DGKK: variants seen among roughly 807,000 people sequenced by gnomAD.
DGKK encodes diacylglycerol kinase kappa, also known as 142 kDa diacylglycerol kinase.
Under a neutral mutation model 92.2 loss-of-function variants are expected in DGKK, and 35 were observed. That is an observed-to-expected ratio of 0.38 (90% CI 0.29 to 0.50). The LOEUF (loss-of-function observed/expected upper bound fraction) is 0.50. Among genes scored for constraint, DGKK ranks in the 20% least tolerant of loss-of-function variants. DGKK has a pLI of 0.92. For synonymous variants in DGKK, 368 were observed against 360.6 expected (o/e 1.02, Z -0.23); for missense variants, 910 against 992.2 (o/e 0.92, Z 1.11).
At chrX:50,379,856 T>A in intron 19 of DGKK, 122 bp from the exon 20 acceptor site, 1 of 890,619 alleles carries the variant, frequency 1.1e-6, no homozygotes, top group Non-Finnish European at 1.6e-6. Context: ...TCTTCATGCC[T>A]TCCTCCCATG....
intron 4 of DGKK, among the ~76,000 whole-genome samples, chrX:50,408,462 T>C (rs1557227503): frequency 9.0e-6 from 1 of 111,536 alleles, no homozygotes; most frequent in Non-Finnish European, 1.9e-5. Context: ...CACTGCAAGC[T>C]CCGCCTCCCG....
Position 50,420,390 on chromosome X carries a change from C to A in DGKK, c.942+13G>T. The A allele has an allele frequency of 1.7e-6, 2 of 1,191,377 alleles. No individual in the cohort carries two copies. Among genetic ancestry groups the A allele is most frequent in the Non-Finnish European group, 2.3e-6 (2 of 878,674 alleles). On this transcript the variant is annotated intron_variant, in intron 4 of 27. Transcript: ENST00000611977. ...TATTAAGAATTGTGTGGCTTCTCTA[C>A]TAGTTTTCTTACCTTATAAATTTCT...
chrX:50,368,842 A>C lies in DGKK; in HGVS notation c.*98T>G. ...TGGAGGGTCTTTCTTGGTGGTGCTC[A>C]TGTTTGTTCTGAAATGATTTAGTCT... is the stretch of plus-strand genomic sequence containing the variant. On this transcript the variant is annotated 3_prime_UTR_variant, in exon 28 of 28. Transcript: ENST00000611977. The C allele has an allele frequency of 1.5e-6, 1 of 688,327 alleles. No individual in the cohort carries two copies. The highest frequency in any genetic ancestry group is 3.4e-5 in the Admixed American group (1 of 29,577). The allele number at this position is 688,327 out of a possible 1,213,427, so 56.7% of individuals were successfully genotyped here. A position where few individuals can be genotyped will look rare whatever the true frequency, so the allele number is the denominator to read the frequency against.
chrX:50,376,651 A>G (rs1924280351), intron 23 of DGKK, 107 bp downstream of exon 23: 1 of 790,160 alleles, frequency 1.3e-6, no homozygotes. Flanking sequence ...TCTAAGCTAA[A>G]TTCCTCTCTG....
In DGKK at chrX:50,465,295, A is replaced by G. The variant is rs782409985; in HGVS notation, c.645+4739T>C. 3.6e-5 allele frequency among the ~76,000 whole-genome samples: 4 copies of G among 109,830 alleles called. No individual in the cohort carries two copies. In the South Asian group the frequency reaches 1.2e-3, roughly 33 times the overall value. ...TTTCTTAAAATAATTTTCAGAGGAG[A>G]GATAAATTTCATTATCTGGGGTCAC... On this transcript the variant is annotated intron_variant, in intron 1 of 27. Transcript: ENST00000611977.
chrX:50,397,892 T>C (rs1004639025), intron 8 of DGKK, among the ~76,000 whole-genome samples: 3 of 111,366 alleles, frequency 2.7e-5, no homozygotes, highest in African/African-American at 9.8e-5. Context: ...TGCTTTGAGA[T>C]ATGTCTTCTT....
intron 4 of DGKK, among the ~76,000 whole-genome samples, chrX:50,415,727 A>C (rs1327778957): frequency 9.0e-6 from 1 of 111,309 alleles, no homozygotes; most frequent in Non-Finnish European, 1.9e-5. Flanking sequence ...TTAGAATGAG[A>C]ATGTCTATCC....
At chrX:50,433,705 T>A (rs1557230508) in intron 1 of DGKK, among the ~76,000 whole-genome samples, 1 of 111,723 alleles carries the variant, frequency 9.0e-6, no homozygotes, top group Non-Finnish European at 1.9e-5. Flanking sequence ...GAAAGAGGAT[T>A]GTTTCTGACC....
At chrX:50,451,284 A>G (rs1934175) in intron 1 of DGKK, among the ~76,000 whole-genome samples, 49,512 of 109,820 alleles carry the variant, frequency 0.45, 9,718 homozygotes, top group African/African-American at 0.76. Flanking sequence ...TCAGGACTTA[A>G]GTTTCTCCAG....
chrX:50,376,743 G>A lies in DGKK; in HGVS notation c.3272+15C>T. 1 of 1,176,150 alleles carries A rather than the reference G, an allele frequency of 8.5e-7. No homozygotes were observed. Among genetic ancestry groups the A allele is most frequent in the Non-Finnish European group, 1.1e-6 (1 of 875,788 alleles). On this transcript the variant is annotated intron_variant, in intron 23 of 27. Transcript: ENST00000611977. Reference sequence around the variant, plus strand: ...CTTAGGATTCTCAGCCCTGTATCTAGGCCAGTCCACTTACTTGCTGATGAG... The same window carrying A: ...CTTAGGATTCTCAGCCCTGTATCTAAGCCAGTCCACTTACTTGCTGATGAG...
intron 1 of DGKK, among the ~76,000 whole-genome samples, chrX:50,448,685 A>G (rs1025048478): frequency 8.1e-5 from 9 of 111,628 alleles, no homozygotes; most frequent in African/African-American, 9.8e-5. Context: ...CACAATGAGC[A>G]CTGGATGACC....
chrX:50,368,766 A>G lies in DGKK; in HGVS notation c.*174T>C. 2.5e-6 allele frequency: 1 copy of G among 401,169 alleles called. No homozygotes were observed. The highest frequency in any genetic ancestry group is 4.7e-5 in the Admixed American group (1 of 21,114). 33.1% of individuals were successfully genotyped at this position (401,169 alleles called of 1,213,427 possible). ...ACCTTTGGCCAATGAGGAAATGTAAACCTCTAAGGAGACCAGATTAAGTCC... is the reference window on the plus strand; with the variant it reads ...ACCTTTGGCCAATGAGGAAATGTAAGCCTCTAAGGAGACCAGATTAAGTCC... On this transcript the variant is annotated 3_prime_UTR_variant, in exon 28 of 28. Coordinates refer to ENST00000611977, the MANE Select transcript of DGKK (RefSeq NM_001013742.4).
intron 1 of DGKK, among the ~76,000 whole-genome samples, chrX:50,453,689 A>G (rs1394573555): frequency 4.5e-5 from 5 of 111,657 alleles, no homozygotes; most frequent in Non-Finnish European, 9.4e-5. Flanking sequence ...GGCCCTGTAT[A>G]AAATGCATGG....
chrX:50,385,863 G>A (rs1445804870), intron 15 of DGKK, among the ~76,000 whole-genome samples: 4 of 112,140 alleles, frequency 3.6e-5, no homozygotes, highest in Non-Finnish European at 3.8e-5. Context: ...GCAGACTGTC[G>A]TGAGTTCTGA....
intron 1 of DGKK, among the ~76,000 whole-genome samples, chrX:50,436,647 G>T (rs1557230798): frequency 9.0e-6 from 1 of 111,162 alleles, no homozygotes; most frequent in Non-Finnish European, 1.9e-5. Flanking sequence ...GCACTTTGTT[G>T]GTTATAAAGA....
At chrX:50,416,051 C>T (rs1282807958) in intron 4 of DGKK, among the ~76,000 whole-genome samples, 1 of 111,225 alleles carries the variant, frequency 9.0e-6, no homozygotes, top group Non-Finnish European at 1.9e-5. Context: ...GATTAGCACT[C>T]TTATAAAAGG....
chrX:50,372,154 G>A (rs969628657), intron 25 of DGKK, among the ~76,000 whole-genome samples: 1 of 112,126 alleles, frequency 8.9e-6, no homozygotes, highest in Non-Finnish European at 1.9e-5. Flanking sequence ...CCAGTCCCTG[G>A]AGACATCTCA....
Position 50,365,489 on chromosome X carries a change from G to A in DGKK, c.*3451C>T, listed in dbSNP as rs1438864783. On this transcript the variant is annotated 3_prime_UTR_variant, in exon 28 of 28. Transcript: ENST00000611977. ...GGACTGGTGTTCCATTTGGCGGGGG[G>A]AGAGGAATAGGCACACTTTGTGGAT... 1 of 111,428 alleles carries A rather than the reference G, an allele frequency of 9.0e-6. No individual in the cohort carries two copies. Among genetic ancestry groups the A allele is most frequent in the Non-Finnish European group, 1.9e-5 (1 of 53,116 alleles). 9.2% of individuals were successfully genotyped at this position (111,428 alleles called of 1,213,427 possible).
intron 4 of DGKK, among the ~76,000 whole-genome samples, chrX:50,419,695 T>C (rs1557228920): frequency 8.9e-6 from 1 of 112,028 alleles, no homozygotes; most frequent in Non-Finnish European, 1.9e-5. Flanking sequence ...GACACAGATC[T>C]CTCTCCTCTT....
Sources: gnomAD v4.1 joint callset for allele counts (sites outside exome capture counted in the v4.1 genomes callset) on GRCh38, gnomAD v4.1.1 for gene constraint, MANE v1.5 for transcripts, NCBI Gene and HGNC (gene_info 2026-07-23, HGNC 2026-07-21) for gene names.